Variants in ATAD2 observed in about 807,000 individuals in gnomAD.
ATAD2 encodes the protein ATPase family AAA domain containing 2.
A neutral mutation model predicts 168.9 loss-of-function variants in ATAD2; 62 were observed. That is an observed-to-expected ratio of 0.37 (90% CI 0.30 to 0.45). The LOEUF (loss-of-function observed/expected upper bound fraction) is 0.45, where lower values mean the gene tolerates loss of function less well. Ranked by LOEUF, ATAD2 falls within the 20% of genes least tolerant of loss-of-function variation. The pLI, the probability that ATAD2 is intolerant of heterozygous loss-of-function variation, is 1.00. For missense variants in ATAD2, 1,419 were observed against 1,667.8 expected (o/e 0.85, Z 2.60); for synonymous variants, 613 against 571.6 (o/e 1.07, Z -1.03).
At position 123,330,877 on chromosome 8, in the gene ATAD2, T is replaced by G. The variant is rs1375564948; in HGVS notation, c.3479-2298A>C. Among the ~76,000 whole-genome samples, 5 of 152,224 alleles carry G rather than the reference T, an allele frequency of 3.3e-5. No homozygotes were observed. The East Asian group carries it at 9.6e-4, about 29-fold the overall frequency. On this transcript the variant is annotated intron_variant, in intron 24 of 27. Coordinates refer to ENST00000287394, the MANE Select transcript of ATAD2 (RefSeq NM_014109.4). ...GGTATTTCACAAAAAGTACAAAGTT[T>G]TTGCATTTGCTAGTGCAGCTGCAAC...
chr8:123,398,884 A>G (rs953343873), upstream of ATAD2, among the ~76,000 whole-genome samples: 1 of 152,254 alleles, frequency 6.6e-6, no homozygotes, highest in African/African-American at 2.4e-5. Context: ...TAACCAACAT[A>G]GGTGAAAAAG....
intron 2 of ATAD2, among the ~76,000 whole-genome samples, chr8:123,373,377 C>T (rs1277268958): frequency 2.6e-5 from 4 of 152,000 alleles, no homozygotes; most frequent in Admixed American, 6.6e-5. Context: ...TCTTATATTC[C>T]ATGATACTAC....
At chr8:123,321,854 C>A (rs57047693) in intron 27 of ATAD2, among the ~76,000 whole-genome samples, 3,698 of 152,180 alleles carry the variant, frequency 0.024, 141 homozygotes, top group African/African-American at 0.084. Flanking sequence ...ATTGCCTGAG[C>A]TCAGGAGTTC....
At chr8:123,335,129 T>C (rs1478575219) in intron 22 of ATAD2, among the ~76,000 whole-genome samples, 1 of 152,192 alleles carries the variant, frequency 6.6e-6, no homozygotes, top group Non-Finnish European at 1.5e-5. Context: ...CTTTAGGAGA[T>C]TCTGATGTCC....
chr8:123,352,872 T>A (rs1228999691), intron 13 of ATAD2, among the ~76,000 whole-genome samples: 1 of 151,594 alleles, frequency 6.6e-6, no homozygotes, highest in Non-Finnish European at 1.5e-5. Flanking sequence ...AAGACCAACC[T>A]GGGCAACAGA....
chr8:123,364,797 T>C (rs1344292857), intron 8 of ATAD2, among the ~76,000 whole-genome samples: 2 of 152,162 alleles, frequency 1.3e-5, no homozygotes, highest in South Asian at 2.1e-4. Flanking sequence ...AAGCCATCTA[T>C]GACAAATCCA....
chr8:123,350,517 G>A (rs1206427439), intron 13 of ATAD2, among the ~76,000 whole-genome samples: 1 of 152,064 alleles, frequency 6.6e-6, no homozygotes, highest in Non-Finnish European at 1.5e-5. Context: ...TTGATTATTT[G>A]TCACTGAATT....
At chr8:123,327,195 C>T (rs1042830068) in intron 25 of ATAD2, among the ~76,000 whole-genome samples, 6 of 152,286 alleles carry the variant, frequency 3.9e-5, no homozygotes, top group African/African-American at 9.6e-5. Flanking sequence ...TGAGCCACCA[C>T]GCCTGACCGT....
chr8:123,341,803 G>A (rs1423011795), intron 19 of ATAD2, among the ~76,000 whole-genome samples: 1 of 152,200 alleles, frequency 6.6e-6, no homozygotes, highest in Non-Finnish European at 1.5e-5. Context: ...TCAGTTGACT[G>A]TACTGAAAGC....
chr8:123,345,174 G>T, intron 18 of ATAD2, 105 bp from the exon 19 acceptor site: 1 of 982,066 alleles, frequency 1.0e-6, no homozygotes, highest in Admixed American at 3.1e-5. Flanking sequence ...AACATATAAA[G>T]TCCTCAAGTT....
At chr8:123,368,548 G>C (rs2129726087) in intron 8 of ATAD2, among the ~76,000 whole-genome samples, 1 of 152,186 alleles carries the variant, frequency 6.6e-6, no homozygotes, top group Admixed American at 6.5e-5. Flanking sequence ...AATAGTCAAA[G>C]AAAATAAATG....
At chr8:123,329,981 C>CTTTTTTTTTTTT (rs71310666) in intron 24 of ATAD2, among the ~76,000 whole-genome samples, 68 of 100,312 alleles carry the variant, frequency 6.8e-4, no homozygotes, top group African/African-American at 2.4e-3. Flanking sequence ...CCAGTGGCTT[C>CTTTTTTTTTTTT]TTTTTTTTTT....
chr8:123,409,455 A>T (rs1294883270), intron 1 of ATAD2, among the ~76,000 whole-genome samples: 1 of 152,178 alleles, frequency 6.6e-6, no homozygotes, highest in Non-Finnish European at 1.5e-5. Context: ...TGCAAATTAG[A>T]ATAACAGTGG....
At position 123,348,460 on chromosome 8, in the gene ATAD2, T is replaced by C. The variant is rs534489144; in HGVS notation, c.1807-187A>G. The stretch of plus-strand genomic sequence containing the variant: ...GGGAGGCCGAGGCAGGTGGATCACT[T>C]GAGGTTGGAAGTTCAAGACCAGCCT... On this transcript the variant is annotated intron_variant, in intron 14 of 27. Coordinates refer to ENST00000287394, the MANE Select transcript of ATAD2 (RefSeq NM_014109.4). Among the ~76,000 whole-genome samples the C allele has an allele frequency of 1.1e-4, 16 of 152,246 alleles. No homozygotes were observed. The East Asian group carries it at 3.1e-3, about 29-fold the overall frequency.
intron 8 of ATAD2, 91 bp downstream of exon 8, chr8:123,368,967 C>G: frequency 1.6e-6 from 1 of 608,118 alleles, no homozygotes; most frequent in Non-Finnish European, 2.6e-6. Flanking sequence ...AGAATTTTAT[C>G]CTAATACACC....
At chr8:123,323,101 G>A in intron 26 of ATAD2, 35 bp from the exon 27 acceptor site, 1 of 1,581,892 alleles carries the variant, frequency 6.3e-7, no homozygotes, top group Non-Finnish European at 8.6e-7. Context: ...ATGTGTGAGA[G>A]AGAAACTTCC....
intron 8 of ATAD2, among the ~76,000 whole-genome samples, chr8:123,361,884 A>G (rs868011771): frequency 6.6e-5 from 10 of 152,244 alleles, no homozygotes; most frequent in Non-Finnish European, 5.9e-5. Context: ...TCAAATGTTC[A>G]TGGAGACAGG....
At position 123,320,013 on chromosome 8, in the gene ATAD2, G is replaced by A. The variant is rs1344763189; in HGVS notation, c.*1121C>T. Reference sequence around the variant, plus strand: ...ATATATTTAAATGTTCTCAGTGACTGGCATTGCTTTATGCATTACATAAGA... The same window carrying A: ...ATATATTTAAATGTTCTCAGTGACTAGCATTGCTTTATGCATTACATAAGA... On this transcript the variant is annotated 3_prime_UTR_variant, in exon 28 of 28. Transcript: ENST00000287394. 6.6e-6 allele frequency: 1 copy of A among 152,022 alleles called. No homozygotes were observed. The highest frequency in any genetic ancestry group is 1.5e-5 in the Non-Finnish European group (1 of 68,012). 9.4% of individuals were successfully genotyped at this position (152,022 alleles called of 1,614,324 possible). A position where few individuals can be genotyped will look rare whatever the true frequency, so the allele number is the denominator to read the frequency against.
chr8:123,393,262 G>C (rs925204297), intron 1 of ATAD2, among the ~76,000 whole-genome samples: 1 of 151,726 alleles, frequency 6.6e-6, no homozygotes, highest in African/African-American at 2.4e-5. Flanking sequence ...TTTAATCCCA[G>C]CAATTTGGGA....
Sources: gnomAD v4.1 joint callset for allele counts (sites outside exome capture counted in the v4.1 genomes callset) on GRCh38, gnomAD v4.1.1 for gene constraint, MANE v1.5 for transcripts, NCBI Gene and HGNC (gene_info 2026-07-23, HGNC 2026-07-21) for gene names.